COX7B2: variants seen among roughly 807,000 people sequenced by gnomAD.
The protein encoded by COX7B2 is cytochrome c oxidase subunit 7B2, also known as cytochrome c oxidase subunit 7B2, mitochondrial.
For missense variants in COX7B2, 109 were observed against 95.9 expected (o/e 1.14, Z -0.57); for synonymous variants, 37 against 32.1 (o/e 1.15, Z -0.51).
At position 46,770,413 on chromosome 4, in the gene COX7B2, C is replaced by T. The variant is rs187103451; in HGVS notation, c.-49-35172G>A. On this transcript the variant is annotated intron_variant, in intron 2 of 2. Coordinates refer to ENST00000355591, the MANE Select transcript of COX7B2 (RefSeq NM_130902.3). ...AACTAAAATTGTTAAAATGTCCATA[C>T]TACCCAAATAAATCTTAGATTCAAT... is the stretch of plus-strand genomic sequence containing the variant. 3.7e-3 allele frequency among the ~76,000 whole-genome samples: 557 copies of T among 152,214 alleles called. 4 individuals carry two copies. The highest frequency in any genetic ancestry group is 0.013 in the African/African-American group (531 of 41,554).
At chr4:46,748,337 A>C (rs1416897874) in intron 2 of COX7B2, among the ~76,000 whole-genome samples, 2 of 152,208 alleles carry the variant, frequency 1.3e-5, no homozygotes, top group Non-Finnish European at 2.9e-5. Flanking sequence ...CCTACATAAA[A>C]CATTATTTTA....
At chr4:46,820,849 A>T (rs1217345796) in intron 2 of COX7B2, among the ~76,000 whole-genome samples, 1 of 149,488 alleles carries the variant, frequency 6.7e-6, no homozygotes, top group African/African-American at 2.4e-5. Context: ...ATATATATAT[A>T]TATAGATAGA....
chr4:46,820,096 G>T (rs557522841), intron 2 of COX7B2, among the ~76,000 whole-genome samples: 1 of 152,226 alleles, frequency 6.6e-6, no homozygotes, highest in South Asian at 2.1e-4. Flanking sequence ...CATTTATTGT[G>T]CACTTTCTTT....
At position 46,903,626 on chromosome 4, in the gene COX7B2, C is replaced by T. The variant is rs1720200666; in HGVS notation, c.-105+5534G>A. 1.3e-5 allele frequency among the ~76,000 whole-genome samples: 2 copies of T among 152,110 alleles called. 1 individual carries two copies. The highest frequency in any genetic ancestry group is 4.1e-4 in the South Asian group (2 of 4,826). On this transcript the variant is annotated intron_variant, in intron 1 of 2. Coordinates refer to ENST00000355591, the MANE Select transcript of COX7B2 (RefSeq NM_130902.3). ...AGGCTGCTCATTCATGCTAAGTGCC[C>T]AAAACAGGTGTATCATTTTTTATCT...
intron 1 of COX7B2, among the ~76,000 whole-genome samples, chr4:46,877,202 T>C (rs140684554): frequency 6.2e-4 from 94 of 152,288 alleles, no homozygotes; most frequent in African/African-American, 2.2e-3. Flanking sequence ...GATGAGTATA[T>C]GGAATAAGTA....
Position 46,903,459 on chromosome 4 carries a change from GT to G in COX7B2, c.-105+5700del, listed in dbSNP as rs879675216. 6.7e-3 allele frequency among the ~76,000 whole-genome samples: 971 copies of G among 144,470 alleles called. 11 individuals are homozygous for G. Among genetic ancestry groups the G allele is most frequent in the African/African-American group, 0.02 (798 of 39,666 alleles). 94.8% of individuals were successfully genotyped at this position (144,470 alleles called of 152,430 possible). The stretch of plus-strand genomic sequence containing the variant: ...TGTAACATTGTAGCGCAATTACTTA[GT>G]TTTTTTTTTTTTAAATAAATTCAGT... On this transcript the variant is annotated intron_variant, in intron 1 of 2. Transcript: ENST00000355591.
intron 2 of COX7B2, among the ~76,000 whole-genome samples, chr4:46,821,999 C>A (rs577914524): frequency 8.2e-4 from 125 of 152,280 alleles, no homozygotes; most frequent in African/African-American, 2.8e-3. Context: ...GCAAGCTCTA[C>A]TTCCTGGGTT....
At chr4:46,780,900 A>G (rs964234761) in intron 2 of COX7B2, among the ~76,000 whole-genome samples, 4 of 152,256 alleles carry the variant, frequency 2.6e-5, no homozygotes, top group African/African-American at 9.6e-5. Flanking sequence ...AGTCATTTTC[A>G]TAAGTCAATG....
chr4:46,874,636 A>G (rs900267499), intron 1 of COX7B2, among the ~76,000 whole-genome samples: 1 of 152,082 alleles, frequency 6.6e-6, no homozygotes, highest in Admixed American at 6.6e-5. Context: ...TTATGTTTTG[A>G]TACATAGGTT....
chr4:46,827,556 AAAAC>A (rs1360135336), intron 2 of COX7B2, among the ~76,000 whole-genome samples: 5 of 152,296 alleles, frequency 3.3e-5, no homozygotes, highest in Middle Eastern at 3.4e-3. Flanking sequence ...ATTGCTTAGC[AAAAC>A]AAACAAATTT....
intron 2 of COX7B2, among the ~76,000 whole-genome samples, chr4:46,769,809 A>T (rs1033335005): frequency 1.3e-5 from 2 of 151,978 alleles, no homozygotes; most frequent in Non-Finnish European, 2.9e-5. Context: ...TTGTCATGAT[A>T]AAAAAAACAA....
intron 2 of COX7B2, among the ~76,000 whole-genome samples, chr4:46,795,103 T>C (rs572217550): frequency 7.3e-6 from 1 of 137,526 alleles, no homozygotes; most frequent in Non-Finnish European, 1.5e-5. Context: ...ATATTAGCCC[T>C]TTGTCAGATG....
At chr4:46,842,497 C>T (rs1243691958) in intron 2 of COX7B2, among the ~76,000 whole-genome samples, 2 of 151,888 alleles carry the variant, frequency 1.3e-5, no homozygotes, top group African/African-American at 4.8e-5. Flanking sequence ...ATGTGCTGCA[C>T]CCATTAACTC....
intron 2 of COX7B2, among the ~76,000 whole-genome samples, chr4:46,801,969 G>A (rs969099176): frequency 6.6e-6 from 1 of 152,080 alleles, no homozygotes; most frequent in Non-Finnish European, 1.5e-5. Context: ...TCACTCTCAG[G>A]AAAGTGAGGC....
At chr4:46,735,303 ATGTC>A in intron 2 of COX7B2, 62 bp from the exon 3 acceptor site, 1 of 1,253,528 alleles carries the variant, frequency 8.0e-7, no homozygotes, top group Non-Finnish European at 1.1e-6. Flanking sequence ...TCCGCTTTGA[ATGTC>A]TGGCTACATC....
intron 2 of COX7B2, among the ~76,000 whole-genome samples, chr4:46,811,013 T>G (rs2109661362): frequency 6.6e-6 from 1 of 152,340 alleles, no homozygotes; most frequent in African/African-American, 2.4e-5. Flanking sequence ...AGAAATCTGC[T>G]GATAGTCTAA....
chr4:46,758,856 T>C (rs975429559), intron 2 of COX7B2, among the ~76,000 whole-genome samples: 9 of 152,130 alleles, frequency 5.9e-5, no homozygotes, highest in Non-Finnish European at 8.8e-5. Context: ...TTCTTAAAAC[T>C]GTGATAGCAA....
At chr4:46,794,472 G>C (rs1718217668) in intron 2 of COX7B2, among the ~76,000 whole-genome samples, 1 of 152,112 alleles carries the variant, frequency 6.6e-6, no homozygotes, top group Non-Finnish European at 1.5e-5. Flanking sequence ...AGTCATTTAA[G>C]ACCTACTCAC....
intron 1 of COX7B2, among the ~76,000 whole-genome samples, chr4:46,873,286 G>A (rs554221446): frequency 9.0e-4 from 137 of 152,116 alleles, no homozygotes; most frequent in Middle Eastern, 3.4e-3. Flanking sequence ...ATAAACATAC[G>A]TATGCATGTG....
Sources: allele counts gnomAD v4.1 joint callset (sites outside exome capture counted in the v4.1 genomes callset), GRCh38; gene constraint gnomAD v4.1.1; transcripts MANE v1.5; gene names NCBI Gene and HGNC (gene_info 2026-07-23, HGNC 2026-07-21).